Variants in ATRNL1 observed in about 807,000 individuals in gnomAD.
The protein encoded by ATRNL1 is attractin like 1.
In ATRNL1, 95 loss-of-function variants were observed where a neutral mutation model predicts 182.7. The observed-to-expected ratio is 0.52, with a 90% CI of 0.44 to 0.62. The LOEUF (loss-of-function observed/expected upper bound fraction) is 0.62, where lower values mean the gene tolerates loss of function less well. ATRNL1 is among the 20% of genes least tolerant of loss of function. ATRNL1 has a pLI of 0.00. For synonymous variants in ATRNL1, 576 were observed against 568.3 expected, an observed-to-expected ratio of 1.01 and a Z score of -0.19; for missense variants, 1,471 against 1,679.5, an observed-to-expected ratio of 0.88 and a Z score of 2.17.
chr10:115,620,754 A>G (rs544765191), intron 26 of ATRNL1, among the ~76,000 whole-genome samples: 22 of 152,322 alleles, frequency 1.4e-4, no homozygotes, highest in African/African-American at 5.1e-4. Context: ...ATTATGCTAG[A>G]TTTTACCCTG....
chr10:115,693,887 A>G (rs1394002509), intron 26 of ATRNL1, among the ~76,000 whole-genome samples: 2 of 152,116 alleles, frequency 1.3e-5, no homozygotes, highest in African/African-American at 2.4e-5. Flanking sequence ...GACCAGAAAC[A>G]TAATTAAACA....
chr10:115,205,699 A>G (rs535204129), intron 8 of ATRNL1, among the ~76,000 whole-genome samples: 6 of 152,050 alleles, frequency 3.9e-5, no homozygotes, highest in African/African-American at 7.2e-5. Context: ...CTAAGAATCA[A>G]TATTTTGTCA....
intron 28 of ATRNL1, among the ~76,000 whole-genome samples, chr10:115,867,747 T>A (rs78433329): frequency 1.8e-4 from 26 of 148,034 alleles, no homozygotes; most frequent in African/African-American, 4.7e-4. Flanking sequence ...TTTTTTTTTT[T>A]AATTTTTTGA....
chr10:115,238,720 A>G (rs1487056801), intron 9 of ATRNL1, among the ~76,000 whole-genome samples: 7 of 152,024 alleles, frequency 4.6e-5, no homozygotes, highest in Non-Finnish European at 2.9e-5. Flanking sequence ...TTCCTTCCCA[A>G]TCTGTATATC....
intron 28 of ATRNL1, among the ~76,000 whole-genome samples, chr10:115,942,648 G>T (rs782686132): frequency 6.6e-6 from 1 of 152,188 alleles, no homozygotes; most frequent in South Asian, 2.1e-4. Context: ...GATATTCTAC[G>T]TAGGATAAGA....
At chr10:115,746,408 C>CA (rs1948292949) in intron 27 of ATRNL1, among the ~76,000 whole-genome samples, 1 of 152,042 alleles carries the variant, frequency 6.6e-6, no homozygotes, top group East Asian at 1.9e-4. Context: ...ATTCAATAAG[C>CA]AATAGGAAAA....
rs371988888 is a variant in ATRNL1, at chr10:115,815,548, C to G, written c.3904-32329C>G. On this transcript the variant is annotated intron_variant, in intron 27 of 28. Transcript: ENST00000355044. The stretch of plus-strand genomic sequence containing the variant: ...AAATTACACGAAGCTTAACAAACAT[C>G]CAAAAACACTAACCTAACTGGAAAA... Among the ~76,000 whole-genome samples the G allele has an allele frequency of 6.5e-4, 98 of 151,606 alleles. No individual in the cohort carries two copies. In the East Asian group the frequency reaches 0.012, roughly 19 times the overall value.
At chr10:115,735,447 A>G (rs2532713) in intron 27 of ATRNL1, among the ~76,000 whole-genome samples, 147,335 of 152,250 alleles carry the variant, frequency 0.97, 71,453 homozygotes, top group Middle Eastern at 1. Context: ...ATATGTTCCA[A>G]GAGTCCCCGT....
chr10:115,611,178 TAAAC>T (rs1456322562), intron 26 of ATRNL1, among the ~76,000 whole-genome samples: 10 of 152,030 alleles, frequency 6.6e-5, no homozygotes, highest in African/African-American at 2.4e-4. Flanking sequence ...ATTGAGTTGT[TAAAC>T]AAGCAGAATA....
At chr10:115,501,088 A>G (rs111279206) in intron 24 of ATRNL1, among the ~76,000 whole-genome samples, 1 of 151,554 alleles carries the variant, frequency 6.6e-6, no homozygotes, top group South Asian at 2.1e-4. Flanking sequence ...ACCCACCACC[A>G]TGCCTGGCTT....
chr10:115,369,841 T>C (rs956322914), intron 19 of ATRNL1, among the ~76,000 whole-genome samples: 2 of 152,220 alleles, frequency 1.3e-5, no homozygotes, highest in South Asian at 2.1e-4. Flanking sequence ...GTGGAATATC[T>C]TTTCCTATAT....
At chr10:115,442,708 G>A (rs191667751) in intron 21 of ATRNL1, among the ~76,000 whole-genome samples, 2 of 151,910 alleles carry the variant, frequency 1.3e-5, no homozygotes, top group Admixed American at 6.6e-5. Flanking sequence ...ATTACCTTGC[G>A]ATCTTCATAG....
chr10:115,368,682 C>T (rs1398761862), intron 19 of ATRNL1, among the ~76,000 whole-genome samples: 1 of 151,870 alleles, frequency 6.6e-6, no homozygotes, highest in African/African-American at 2.4e-5. Flanking sequence ...TGGTAAACAT[C>T]ATTCTAACTC....
At chr10:115,754,444 TC>T (rs1165459875) in intron 27 of ATRNL1, among the ~76,000 whole-genome samples, 1 of 152,138 alleles carries the variant, frequency 6.6e-6, no homozygotes, top group Non-Finnish European at 1.5e-5. Flanking sequence ...TTTCCCCACT[TC>T]TTGTTTTTGT....
chr10:115,782,111 A>G (rs1312519055), intron 27 of ATRNL1, among the ~76,000 whole-genome samples: 1 of 152,228 alleles, frequency 6.6e-6, no homozygotes, highest in East Asian at 1.9e-4. Context: ...TCTCAGTTTA[A>G]GTGTCTTTAC....
At chr10:115,133,983 T>C (rs553885639) in intron 5 of ATRNL1, among the ~76,000 whole-genome samples, 185 of 152,240 alleles carry the variant, frequency 1.2e-3, no homozygotes, top group African/African-American at 4.2e-3. Flanking sequence ...GAAATAAAGA[T>C]GTTCTTGAAA....
chr10:115,940,757 G>A (rs943207774), intron 28 of ATRNL1, among the ~76,000 whole-genome samples: 1 of 151,674 alleles, frequency 6.6e-6, no homozygotes, highest in African/African-American at 2.4e-5. Flanking sequence ...AATAAGATAG[G>A]GGCTTTGTCT....
intron 26 of ATRNL1, among the ~76,000 whole-genome samples, chr10:115,670,142 C>T (rs1407907516): frequency 2.0e-5 from 3 of 152,028 alleles, no homozygotes; most frequent in Non-Finnish European, 4.4e-5. Flanking sequence ...GTTAATGTCT[C>T]AATGCCTCAG....
In ATRNL1 at chr10:115,265,186, T is replaced by C. The variant is rs782671756; in HGVS notation, c.1688-7T>C. 27 of 1,579,298 alleles carry C rather than the reference T, an allele frequency of 1.7e-5. No individual in the cohort carries two copies. The South Asian group carries it at 2.8e-4, about 16-fold the overall frequency. On this transcript the variant is annotated splice_region_variant and splice_polypyrimidine_tract_variant and intron_variant, in intron 10 of 28. Transcript: ENST00000355044. ...CATTTTTTGTTTTTCTGTTTTCTTTTTTCTAGCTTGTGATGAATGGAAAAT... is the reference window on the plus strand; with the variant it reads ...CATTTTTTGTTTTTCTGTTTTCTTTCTTCTAGCTTGTGATGAATGGAAAAT...
Sources: gnomAD v4.1 joint callset for allele counts (sites outside exome capture counted in the v4.1 genomes callset) on GRCh38, gnomAD v4.1.1 for gene constraint, MANE v1.5 for transcripts, NCBI Gene and HGNC (gene_info 2026-07-23, HGNC 2026-07-21) for gene names.